The following PTTG1IP2 variants were observed in gnomAD, a reference collection of about 807,000 sequenced individuals.
PTTG1IP2 encodes the protein PTTG1IP family member 2.
Position 90,484,485 on chromosome 7 carries a change from G to A in PTTG1IP2, c.193-2842G>A, listed in dbSNP as rs28947781. ...CTAAAGCCTTTTAGCTGGCTTCTCA[G>A]TTGTCACACTCCAAAAAGGCTGATG... is the stretch of plus-strand genomic sequence containing the variant. On this transcript the variant is annotated intron_variant, in intron 2 of 6. Coordinates refer to ENST00000509356, the MANE Select transcript of PTTG1IP2 (RefSeq NM_001365443.2). Among the ~76,000 whole-genome samples, 501 of 152,114 alleles carry A rather than the reference G, an allele frequency of 3.3e-3. 5 individuals carry two copies. Among genetic ancestry groups the A allele is most frequent in the African/African-American group, 0.012 (481 of 41,484 alleles).
chr7:90,506,132 G>C (rs1216198756), intron 6 of PTTG1IP2, among the ~76,000 whole-genome samples: 3 of 151,808 alleles, frequency 2.0e-5, no homozygotes, highest in Non-Finnish European at 4.4e-5. Flanking sequence ...TCCTCTGGGA[G>C]CTCTAGAAAC....
At chr7:90,483,745 T>C (rs183280186) in intron 2 of PTTG1IP2, among the ~76,000 whole-genome samples, 1 of 152,334 alleles carries the variant, frequency 6.6e-6, no homozygotes, top group East Asian at 1.9e-4. Context: ...TTGGCAATCT[T>C]GGCTTTATAC....
chr7:90,481,312 A>G (rs1404142352), intron 2 of PTTG1IP2, among the ~76,000 whole-genome samples: 3 of 152,192 alleles, frequency 2.0e-5, no homozygotes. Flanking sequence ...CTGGACCCAC[A>G]TTCCGCAACT....
chr7:90,475,996 G>C (rs1797744604), intron 1 of PTTG1IP2, among the ~76,000 whole-genome samples: 1 of 151,546 alleles, frequency 6.6e-6, no homozygotes, highest in African/African-American at 2.4e-5. Flanking sequence ...AAAGAAAATG[G>C]TGTCGAAACT....
chr7:90,483,225 T>C (rs1797833432), intron 2 of PTTG1IP2, among the ~76,000 whole-genome samples: 1 of 152,164 alleles, frequency 6.6e-6, no homozygotes, highest in Non-Finnish European at 1.5e-5. Flanking sequence ...ACTTTACCAC[T>C]GTTGGCATGA....
chr7:90,498,241 G>C (rs1798020215), intron 6 of PTTG1IP2, among the ~76,000 whole-genome samples: 1 of 152,022 alleles, frequency 6.6e-6, no homozygotes, highest in Non-Finnish European at 1.5e-5. Flanking sequence ...TAGCCAGGAT[G>C]GTCTCGATCT....
chr7:90,499,688 A>T (rs772719762), intron 6 of PTTG1IP2, among the ~76,000 whole-genome samples: 23 of 152,084 alleles, frequency 1.5e-4, no homozygotes, highest in Non-Finnish European at 2.9e-4. Flanking sequence ...GGTTCAAGCG[A>T]TTCTCCTGCC....
At chr7:90,503,774 A>G (rs1382822192) in intron 6 of PTTG1IP2, among the ~76,000 whole-genome samples, 1 of 152,194 alleles carries the variant, frequency 6.6e-6, no homozygotes, top group Non-Finnish European at 1.5e-5. Flanking sequence ...GATCATCATC[A>G]TGGATCACCA....
chr7:90,488,451 A>G (rs1485537329), intron 3 of PTTG1IP2, among the ~76,000 whole-genome samples: 1 of 152,082 alleles, frequency 6.6e-6, no homozygotes, highest in Non-Finnish European at 1.5e-5. Flanking sequence ...TGCAGCAAGC[A>G]TTGGTTGTCT....
At chr7:90,495,770 G>T (rs1389575978) in intron 6 of PTTG1IP2, among the ~76,000 whole-genome samples, 4 of 152,058 alleles carry the variant, frequency 2.6e-5, no homozygotes, top group African/African-American at 9.7e-5. Context: ...AGAGTGAAAG[G>T]GCCACTATTA....
At chr7:90,491,385 G>T (rs1233969297) in intron 4 of PTTG1IP2, among the ~76,000 whole-genome samples, 1 of 152,230 alleles carries the variant, frequency 6.6e-6, no homozygotes, top group Non-Finnish European at 1.5e-5. Context: ...CACTTTGAGA[G>T]ACTGAGGTGG....
chr7:90,476,352 T>A (rs1422488715), intron 1 of PTTG1IP2, among the ~76,000 whole-genome samples: 1 of 152,172 alleles, frequency 6.6e-6, no homozygotes, highest in African/African-American at 2.4e-5. Flanking sequence ...TTAACTGCTA[T>A]TAAATAGTTA....
chr7:90,489,495 C>T (rs1428631110), intron 4 of PTTG1IP2, among the ~76,000 whole-genome samples: 1 of 151,738 alleles, frequency 6.6e-6, no homozygotes, highest in African/African-American at 2.4e-5. Context: ...ATGTCTCAAT[C>T]CTTCTCCTGT....
chr7:90,473,535 G>GAATT (rs1418923721), intron 1 of PTTG1IP2, among the ~76,000 whole-genome samples: 10 of 152,284 alleles, frequency 6.6e-5, no homozygotes, highest in African/African-American at 2.4e-4. Context: ...AAAGGAGGAT[G>GAATT]AATTAATTGA....
At chr7:90,475,352 C>A (rs1249008932) in intron 1 of PTTG1IP2, among the ~76,000 whole-genome samples, 1 of 152,168 alleles carries the variant, frequency 6.6e-6, no homozygotes, top group East Asian at 1.9e-4. Flanking sequence ...TCCAGAGATG[C>A]TCAGGGTCTA....
intron 2 of PTTG1IP2, among the ~76,000 whole-genome samples, chr7:90,482,976 T>G (rs1304183424): frequency 6.6e-6 from 1 of 152,114 alleles, no homozygotes; most frequent in Non-Finnish European, 1.5e-5. Context: ...GTAAAATGCA[T>G]TTATAAATGT....
At chr7:90,481,412 C>T (rs1259302886) in intron 2 of PTTG1IP2, among the ~76,000 whole-genome samples, 1 of 152,140 alleles carries the variant, frequency 6.6e-6, no homozygotes, top group East Asian at 1.9e-4. Flanking sequence ...TGCATGAATA[C>T]AGCTACAAAG....
intron 6 of PTTG1IP2, among the ~76,000 whole-genome samples, chr7:90,498,032 CT>C (rs202082533): frequency 8.1e-4 from 118 of 146,562 alleles, no homozygotes; most frequent in Middle Eastern, 7.1e-3. Flanking sequence ...TGAACCCCCC[CT>C]TTTTTTTTTT....
chr7:90,497,207 A>C (rs925311098), intron 6 of PTTG1IP2, among the ~76,000 whole-genome samples: 3 of 152,084 alleles, frequency 2.0e-5, no homozygotes, highest in Admixed American at 2.0e-4. Context: ...CAAGGCAGGA[A>C]GATTGCTTAA....
Sources: gnomAD v4.1 joint callset for allele counts (sites outside exome capture counted in the v4.1 genomes callset) on GRCh38, gnomAD v4.1.1 for gene constraint, MANE v1.5 for transcripts, NCBI Gene and HGNC (gene_info 2026-07-23, HGNC 2026-07-21) for gene names.